The following RBFOX1 variants were observed in gnomAD, a reference collection of about 807,000 sequenced individuals.
RBFOX1 encodes RNA binding fox-1 homolog 1, also known as RNA binding protein fox-1 homolog 1.
Under a neutral mutation model 57.7 loss-of-function variants are expected in RBFOX1, and 8 were observed. That is an observed-to-expected ratio of 0.14 (90% CI 0.08 to 0.25). The LOEUF (loss-of-function observed/expected upper bound fraction) is 0.25, where lower values mean the gene tolerates loss of function less well. Ranked by LOEUF, RBFOX1 falls within the 10% of genes least tolerant of loss-of-function variation. RBFOX1 has a pLI of 1.00. For synonymous variants in RBFOX1, 326 were observed against 222.4 expected, an observed-to-expected ratio of 1.47 and a Z score of -4.15; for missense variants, 611 against 548.5, an observed-to-expected ratio of 1.11 and a Z score of -1.14.
chr16:6,569,870 C>G (rs1400989957), intron 2 of RBFOX1, among the ~76,000 whole-genome samples: 2 of 152,194 alleles, frequency 1.3e-5, no homozygotes, highest in East Asian at 1.9e-4. Flanking sequence ...GAAATCCAAT[C>G]TCCTTCAATC....
intron 3 of RBFOX1, among the ~76,000 whole-genome samples, chr16:6,919,205 A>G (rs570873298): frequency 6.7e-6 from 1 of 149,844 alleles, no homozygotes; most frequent in South Asian, 2.1e-4. Context: ...CTGGTCTTGA[A>G]CTCCTGACCT....
chr16:5,424,924 T>TCACTC (rs1491572644), intron 1 of RBFOX1, among the ~76,000 whole-genome samples: 1 of 115,538 alleles, frequency 8.7e-6, no homozygotes, highest in South Asian at 2.8e-4. Context: ...TCTTTCTTTC[T>TCACTC]TTCTTTCTTT....
chr16:5,931,163 G>T (rs942423651), intron 4 of RBFOX1, among the ~76,000 whole-genome samples: 1 of 152,074 alleles, frequency 6.6e-6, no homozygotes, highest in Non-Finnish European at 1.5e-5. Context: ...TCATTATTAG[G>T]CTCCACCTGG....
At chr16:7,615,794 A>G (rs912380434) in intron 10 of RBFOX1, among the ~76,000 whole-genome samples, 2 of 152,084 alleles carry the variant, frequency 1.3e-5, no homozygotes, top group Non-Finnish European at 2.9e-5. Context: ...GCTTCAAAAC[A>G]CCCTGCAATG....
intron 1 of RBFOX1, among the ~76,000 whole-genome samples, chr16:5,395,334 T>A (rs1373317920): frequency 1.3e-5 from 2 of 152,210 alleles, no homozygotes; most frequent in Non-Finnish European, 2.9e-5. Context: ...CTTGCCAACT[T>A]GGATCGGAAG....
intron 3 of RBFOX1, among the ~76,000 whole-genome samples, chr16:7,000,586 C>CTTTTTTTTTTTTTTTT (rs149516490): frequency 6.3e-5 from 6 of 95,842 alleles, no homozygotes; most frequent in African/African-American, 2.0e-4. Flanking sequence ...TTTTTTCTTT[C>CTTTTTTTTTTTTTTTT]TTTTTCTTTC....
At chr16:7,513,639 C>T (rs969687039) in intron 4 of RBFOX1, among the ~76,000 whole-genome samples, 1 of 152,164 alleles carries the variant, frequency 6.6e-6, no homozygotes, top group African/African-American at 2.4e-5. Context: ...AAAACTGTCT[C>T]CAGTCATTGC....
chr16:6,835,247 A>C (rs2093006817), intron 3 of RBFOX1, among the ~76,000 whole-genome samples: 1 of 152,072 alleles, frequency 6.6e-6, no homozygotes, highest in South Asian at 2.1e-4. Context: ...AGCGCTGTGG[A>C]CTAAGATCCA....
At chr16:6,341,699 TTCC>T (rs2084605630) in intron 2 of RBFOX1, among the ~76,000 whole-genome samples, 1 of 152,188 alleles carries the variant, frequency 6.6e-6, no homozygotes, top group African/African-American at 2.4e-5. Flanking sequence ...GGTGGCTGGT[TTCC>T]TCCTCTTACA....
chr16:6,747,264 C>T lies in RBFOX1; in HGVS notation c.-16+92614C>T, dbSNP rs148932411. The stretch of plus-strand genomic sequence containing the variant: ...TCTCTACTAAAAATATACAAATTAG[C>T]CTGGCATGGTGGTGTGTTTGAAATC... On this transcript the variant is annotated intron_variant, in intron 3 of 15. Coordinates refer to ENST00000550418, the MANE Select transcript of RBFOX1 (RefSeq NM_018723.4). Among the ~76,000 whole-genome samples, 1,200 of 152,188 alleles carry T rather than the reference C, an allele frequency of 7.9e-3. 11 individuals are homozygous for T. Among genetic ancestry groups the T allele is most frequent in the African/African-American group, 0.027 (1,134 of 41,520 alleles).
At chr16:7,408,311 A>G (rs1440163942) in intron 4 of RBFOX1, among the ~76,000 whole-genome samples, 4 of 152,310 alleles carry the variant, frequency 2.6e-5, no homozygotes, top group South Asian at 4.2e-4. Flanking sequence ...GTAGATGACA[A>G]TACAGCAGAA....
Position 6,774,552 on chromosome 16 carries a change from A to G in RBFOX1, c.-16+119902A>G, listed in dbSNP as rs77213434. ...TTCAGAGAATTATATTTAAGGGAAGAAGCAGCTAATGATAATTTACTGATT... is the reference window on the plus strand; with the variant it reads ...TTCAGAGAATTATATTTAAGGGAAGGAGCAGCTAATGATAATTTACTGATT... On this transcript the variant is annotated intron_variant, in intron 3 of 15. Coordinates refer to ENST00000550418, the MANE Select transcript of RBFOX1 (RefSeq NM_018723.4). Among the ~76,000 whole-genome samples the G allele has an allele frequency of 0.023, 3,500 of 152,290 alleles. 260 individuals carry two copies. In the East Asian group the frequency reaches 0.28, roughly 12 times the overall value.
chr16:5,331,279 G>C (rs528144674), intron 1 of RBFOX1, among the ~76,000 whole-genome samples: 1 of 152,194 alleles, frequency 6.6e-6, no homozygotes, highest in Non-Finnish European at 1.5e-5. Context: ...TGTATCTCAC[G>C]TGCTTTGGGC....
chr16:6,297,438 A>C (rs1253601268), intron 1 of RBFOX1, among the ~76,000 whole-genome samples: 1 of 152,030 alleles, frequency 6.6e-6, no homozygotes, highest in Non-Finnish European at 1.5e-5. Flanking sequence ...CCCAGCCTCT[A>C]CTTACTGGTG....
chr16:5,364,015 C>T (rs913202013), intron 1 of RBFOX1, among the ~76,000 whole-genome samples: 1 of 152,170 alleles, frequency 6.6e-6, no homozygotes, highest in Non-Finnish European at 1.5e-5. Flanking sequence ...GAAAAACCAA[C>T]CTAGAGTTAG....
At chr16:6,573,307 C>A (rs191323596) in intron 2 of RBFOX1, among the ~76,000 whole-genome samples, 1 of 152,176 alleles carries the variant, frequency 6.6e-6, no homozygotes, top group East Asian at 1.9e-4. Context: ...GCCATACCCT[C>A]CCCTAGAAAG....
At chr16:6,697,049 C>G (rs1568258263) in intron 3 of RBFOX1, among the ~76,000 whole-genome samples, 1 of 152,128 alleles carries the variant, frequency 6.6e-6, no homozygotes, top group Non-Finnish European at 1.5e-5. Flanking sequence ...TAATGCTTGG[C>G]CAATGCAAAA....
intron 1 of RBFOX1, among the ~76,000 whole-genome samples, chr16:5,442,629 C>T (rs1230549748): frequency 6.6e-6 from 1 of 152,158 alleles, no homozygotes; most frequent in African/African-American, 2.4e-5. Flanking sequence ...ACCAATTGGG[C>T]TTGGGAAGTG....
chr16:5,625,410 G>A (rs889772696), intron 3 of RBFOX1, among the ~76,000 whole-genome samples: 1 of 152,042 alleles, frequency 6.6e-6, no homozygotes, highest in South Asian at 2.1e-4. Flanking sequence ...CGTGGCCATG[G>A]GTCACACAGC....
Sources: allele counts gnomAD v4.1 joint callset (sites outside exome capture counted in the v4.1 genomes callset), GRCh38; gene constraint gnomAD v4.1.1; transcripts MANE v1.5; gene names NCBI Gene and HGNC (gene_info 2026-07-23, HGNC 2026-07-21).